Variants in PRKN observed in about 807,000 individuals in gnomAD.
PRKN encodes E3 ubiquitin-protein ligase parkin.
PRKN carries 56 observed loss-of-function variants against 59.5 expected under a neutral mutation model. The observed-to-expected ratio is 0.94, with a 90% CI of 0.76 to 1.18. The LOEUF (loss-of-function observed/expected upper bound fraction) is 1.18, where lower values mean the gene tolerates loss of function less well. PRKN is among the 50% of genes most tolerant of loss of function. The pLI is 0.00. For missense variants in PRKN, 657 were observed against 596.4 expected, an observed-to-expected ratio of 1.10 and a Z score of -1.06; for synonymous variants, 250 against 222.1, an observed-to-expected ratio of 1.13 and a Z score of -1.12.
At chr6:162,638,739 CTTTTTTTTTTTT>C (rs370517141) in intron 1 of PRKN, among the ~76,000 whole-genome samples, 2 of 99,660 alleles carry the variant, frequency 2.0e-5, no homozygotes, top group Non-Finnish European at 3.8e-5. Flanking sequence ...CTAACTATCC[CTTTTTTTTTTTT>C]TTTTTTTTTT....
intron 7 of PRKN, among the ~76,000 whole-genome samples, chr6:161,651,537 T>C (rs535448497): frequency 6.6e-6 from 1 of 152,324 alleles, no homozygotes; most frequent in South Asian, 2.1e-4. Flanking sequence ...TTAGGGTTTA[T>C]CTGATGGATA....
At chr6:162,469,857 C>T (rs2128177695) in intron 1 of PRKN, among the ~76,000 whole-genome samples, 1 of 152,098 alleles carries the variant, frequency 6.6e-6, no homozygotes, top group East Asian at 1.9e-4. Flanking sequence ...CCAAATATCA[C>T]CTGTTCCCCA....
At chr6:161,486,788 CAG>C (rs1170196635) in intron 9 of PRKN, among the ~76,000 whole-genome samples, 1 of 152,138 alleles carries the variant, frequency 6.6e-6, no homozygotes, top group African/African-American at 2.4e-5. Flanking sequence ...TTATATGTTA[CAG>C]ACATATTTAA....
intron 2 of PRKN, among the ~76,000 whole-genome samples, chr6:162,316,086 G>A (rs562657225): frequency 1.3e-5 from 2 of 152,162 alleles, no homozygotes; most frequent in South Asian, 4.1e-4. Context: ...CCTGGTGATA[G>A]AAGTATTCCA....
chr6:161,442,258 A>G lies in PRKN; in HGVS notation c.1084-55381T>C, dbSNP rs983369939. Among the ~76,000 whole-genome samples the G allele has an allele frequency of 1.2e-4, 19 of 152,210 alleles. No homozygotes were observed. The highest frequency in any genetic ancestry group is 9.2e-4 in the Admixed American group (14 of 15,286). On this transcript the variant is annotated intron_variant, in intron 9 of 11. Transcript: ENST00000366898. This position sits in a 1 kb window ranked among gnomAD's most constrained non-coding sequence, Gnocchi z 4.6. ...GAAGGAGAATTATTTCTCCACTTCA[A>G]AAGTCAGTACAGAGCCATTGAAGGG... is the stretch of plus-strand genomic sequence containing the variant.
chr6:162,503,392 G>A (rs530510595), intron 1 of PRKN, among the ~76,000 whole-genome samples: 1 of 151,992 alleles, frequency 6.6e-6, no homozygotes, highest in African/African-American at 2.4e-5. Context: ...ATCAACCCCC[G>A]ACCTCAGGAG....
chr6:161,555,961 T>C (rs1780223069), intron 8 of PRKN, among the ~76,000 whole-genome samples: 1 of 152,248 alleles, frequency 6.6e-6, no homozygotes, highest in African/African-American at 2.4e-5. Flanking sequence ...TCTTAAGTAA[T>C]TGACTATTTT....
At chr6:161,752,229 G>A (rs951789128) in intron 7 of PRKN, among the ~76,000 whole-genome samples, 1 of 152,064 alleles carries the variant, frequency 6.6e-6, no homozygotes, top group African/African-American at 2.4e-5. Flanking sequence ...AACTAGCTGG[G>A]TGTGATAGCA....
intron 3 of PRKN, among the ~76,000 whole-genome samples, chr6:162,212,473 C>G (rs1368961402): frequency 6.6e-6 from 1 of 152,108 alleles, no homozygotes; most frequent in Non-Finnish European, 1.5e-5. Context: ...AGTTGCTCGG[C>G]CTGTGCTACA....
intron 7 of PRKN, among the ~76,000 whole-genome samples, chr6:161,734,513 G>GA (rs1406787435): frequency 6.6e-6 from 1 of 152,170 alleles, no homozygotes; most frequent in Non-Finnish European, 1.5e-5. Context: ...GATCAGCAGA[G>GA]GACCTTGGTA....
At chr6:162,244,477 C>A (rs569638671) in intron 3 of PRKN, among the ~76,000 whole-genome samples, 1 of 152,042 alleles carries the variant, frequency 6.6e-6, no homozygotes, top group South Asian at 2.1e-4. Context: ...AACTTCTTGA[C>A]AAATTCAAAT....
At chr6:161,644,855 A>G (rs929910471) in intron 7 of PRKN, among the ~76,000 whole-genome samples, 9 of 152,340 alleles carry the variant, frequency 5.9e-5, no homozygotes, top group Non-Finnish European at 1.3e-4. Context: ...CAGCTGCACA[A>G]ATAATTCTCT....
chr6:161,660,925 T>C (rs966654397), intron 7 of PRKN, among the ~76,000 whole-genome samples: 6 of 152,138 alleles, frequency 3.9e-5, no homozygotes, highest in African/African-American at 1.4e-4. Flanking sequence ...GGACACCCAG[T>C]CTTCCGTGAC....
chr6:161,437,450 G>A (rs558870838), intron 9 of PRKN, among the ~76,000 whole-genome samples: 5 of 152,098 alleles, frequency 3.3e-5, no homozygotes, highest in East Asian at 1.9e-4. Context: ...TAATATCTTC[G>A]GGCCTCGGTT....
At chr6:161,669,949 G>C (rs16888746) in intron 7 of PRKN, among the ~76,000 whole-genome samples, 1 of 152,248 alleles carries the variant, frequency 6.6e-6, no homozygotes, top group East Asian at 1.9e-4. Flanking sequence ...TTTGCAGAAC[G>C]GGCCCTGAGA....
intron 6 of PRKN, among the ~76,000 whole-genome samples, chr6:161,897,828 G>A (rs920538966): frequency 4.6e-5 from 7 of 150,798 alleles, no homozygotes; most frequent in East Asian, 1.9e-4. Flanking sequence ...AGTTCCGGGC[G>A]TAGTGGCGGG....
chr6:162,630,344 A>T (rs1488677134), intron 1 of PRKN, among the ~76,000 whole-genome samples: 2 of 152,094 alleles, frequency 1.3e-5, no homozygotes, highest in East Asian at 3.9e-4. Flanking sequence ...GCTGCTATCA[A>T]TTACTTTGAT....
At chr6:162,021,095 T>A in intron 5 of PRKN, among the ~76,000 whole-genome samples, 1 of 81,026 alleles carries the variant, frequency 1.2e-5, no homozygotes, top group African/African-American at 5.9e-5. Flanking sequence ...AGAACGAGAC[T>A]CTGTCTCAAA....
intron 1 of PRKN, among the ~76,000 whole-genome samples, chr6:162,679,068 C>T (rs1779667122): frequency 1.1e-5 from 1 of 90,648 alleles, no homozygotes; most frequent in Non-Finnish European, 2.4e-5. Context: ...AGCCACTGTG[C>T]CTGGCCTTTA....
Sources: allele counts gnomAD v4.1 joint callset (sites outside exome capture counted in the v4.1 genomes callset), GRCh38; gene constraint gnomAD v4.1.1; non-coding constraint Gnocchi (gnomAD v3.1); transcripts MANE v1.5; gene names NCBI Gene and HGNC (gene_info 2026-07-23, HGNC 2026-07-21).